The following GCNT2 variants were observed in gnomAD, a reference collection of about 807,000 sequenced individuals.
The protein encoded by GCNT2 is glucosaminyl (N-acetyl) transferase 2 (I blood group), also known as N-acetyllactosaminide beta-1,6-N-acetylglucosaminyl-transferase.
In GCNT2, 34 loss-of-function variants were observed where a neutral mutation model predicts 34.2. The observed-to-expected ratio is 1.00, with a 90% CI of 0.76 to 1.32. GCNT2 has a LOEUF of 1.32. Ranked by LOEUF, GCNT2 falls within the 40% of genes most tolerant of loss-of-function variation. The probability of loss-of-function intolerance (pLI) is 0.00; values close to 1 mark genes in which losing one functional copy is unlikely to be tolerated. For missense variants in GCNT2, 584 were observed against 489.4 expected (o/e 1.19, Z -1.82); for synonymous variants, 212 against 188.0 (o/e 1.13, Z -1.04).
chr6:10,523,905 G>A (rs1338590511), intron 1 of GCNT2, among the ~76,000 whole-genome samples: 10 of 150,516 alleles, frequency 6.6e-5, no homozygotes, highest in African/African-American at 9.8e-5. Context: ...CCCGGGAGGC[G>A]GAGCTTGCAG....
intron 3 of GCNT2, among the ~76,000 whole-genome samples, chr6:10,570,135 A>C (rs527293329): frequency 6.6e-6 from 1 of 152,210 alleles, no homozygotes; most frequent in African/African-American, 2.4e-5. Flanking sequence ...GGGTTTTGCC[A>C]TGTTACTCAG....
chr6:10,524,962 A>G (rs1761117211), intron 1 of GCNT2, among the ~76,000 whole-genome samples: 1 of 152,104 alleles, frequency 6.6e-6, no homozygotes, highest in African/African-American at 2.4e-5. Context: ...AGACACTGAG[A>G]AAGTTTCCAT....
At chr6:10,611,992 T>G (rs1185447878) in intron 3 of GCNT2, among the ~76,000 whole-genome samples, 1 of 152,006 alleles carries the variant, frequency 6.6e-6, no homozygotes, top group East Asian at 1.9e-4. Flanking sequence ...TTTTTTTGTT[T>G]GCTTGTTTTT....
In GCNT2 at chr6:10,593,902, G is replaced by A. The variant is rs116780155; in HGVS notation, c.926-27449G>A. Among the ~76,000 whole-genome samples, 1,232 of 152,290 alleles carry A rather than the reference G, an allele frequency of 8.1e-3. 22 individuals carry two copies. Among genetic ancestry groups the A allele is most frequent in the African/African-American group, 0.027 (1,122 of 41,554 alleles). On this transcript the variant is annotated intron_variant, in intron 3 of 4. Transcript: ENST00000495262. ...CAGGTAAACGACTTTGGAGACAGAC[G>A]TAGTGTAAGTCTGTCCTCCCAATAC...
chr6:10,602,877 C>G (rs1276616521), intron 3 of GCNT2, among the ~76,000 whole-genome samples: 2 of 152,160 alleles, frequency 1.3e-5, no homozygotes, highest in East Asian at 3.8e-4. Flanking sequence ...CAAAACAGTT[C>G]AGGGCAAACT....
intron 3 of GCNT2, chr6:10,573,117 A>G: frequency 5.5e-6 from 5 of 902,166 alleles, no homozygotes; most frequent in Non-Finnish European, 6.6e-6. Context: ...TTTTGTTTCC[A>G]TTTATTTGAA....
rs1190508934 is a variant in GCNT2, at chr6:10,563,764, AAAAAAAAAAAAAAATATATAT to A, written c.925+33930_925+33950del. 1.1e-3 allele frequency among the ~76,000 whole-genome samples: 62 copies of A among 55,390 alleles called. 3 individuals carry two copies. The South Asian group carries it at 0.034, about 31-fold the overall frequency. 36.3% of individuals were successfully genotyped at this position (55,390 alleles called of 152,430 possible). Reference sequence around the variant, plus strand: ...CTCAAAAAAAGAAAAAAGAAAAAAAAAAAAAAAAAAAAAATATATATATATATATATATATATATATATATG... The same window carrying A: ...CTCAAAAAAAGAAAAAAGAAAAAAAAATATATATATATATATATATATATG... On this transcript the variant is annotated intron_variant, in intron 3 of 4. Transcript: ENST00000495262.
intron 3 of GCNT2, among the ~76,000 whole-genome samples, chr6:10,583,312 G>A (rs1413317564): frequency 6.6e-6 from 1 of 152,144 alleles, no homozygotes; most frequent in Non-Finnish European, 1.5e-5. Flanking sequence ...GGAAATGGCT[G>A]CATTGTGAAT....
chr6:10,538,222 A>G (rs779028791), intron 3 of GCNT2, among the ~76,000 whole-genome samples: 1 of 151,484 alleles, frequency 6.6e-6, no homozygotes, highest in African/African-American at 2.4e-5. Context: ...AGCCTGGCCA[A>G]CGTGATGAAA....
At chr6:10,566,259 G>A (rs542877458) in intron 3 of GCNT2, among the ~76,000 whole-genome samples, 7 of 150,882 alleles carry the variant, frequency 4.6e-5, no homozygotes, top group South Asian at 4.2e-4. Context: ...CTGGACTCCC[G>A]TACAACGTTG....
intron 3 of GCNT2, among the ~76,000 whole-genome samples, chr6:10,551,279 T>C (rs749591899): frequency 1.3e-5 from 2 of 152,114 alleles, no homozygotes; most frequent in Non-Finnish European, 2.9e-5. Flanking sequence ...ATCATAACTT[T>C]GCTGCATCAA....
At chr6:10,577,919 G>A (rs1048616342) in intron 3 of GCNT2, among the ~76,000 whole-genome samples, 2 of 152,108 alleles carry the variant, frequency 1.3e-5, no homozygotes, top group Admixed American at 6.6e-5. Flanking sequence ...TAAAATCAGC[G>A]CTTTGCATAA....
chr6:10,576,636 C>G (rs1763826490), intron 3 of GCNT2, among the ~76,000 whole-genome samples: 1 of 151,756 alleles, frequency 6.6e-6, no homozygotes, highest in Admixed American at 6.6e-5. Flanking sequence ...TTGGGGAGTT[C>G]CAGGATGAAA....
intron 3 of GCNT2, among the ~76,000 whole-genome samples, chr6:10,535,941 T>G (rs562041025): frequency 1.3e-5 from 2 of 152,334 alleles, no homozygotes; most frequent in East Asian, 3.9e-4. Context: ...CATCTTCCCC[T>G]GAACCCTAAA....
intron 3 of GCNT2, among the ~76,000 whole-genome samples, chr6:10,543,010 C>T (rs1005973255): frequency 2.0e-5 from 3 of 149,760 alleles, no homozygotes; most frequent in Non-Finnish European, 3.0e-5. Context: ...CGGGTTCAAG[C>T]GATTCTCCTA....
intron 1 of GCNT2, among the ~76,000 whole-genome samples, chr6:10,525,283 A>G (rs573841682): frequency 5.3e-5 from 8 of 152,328 alleles, no homozygotes; most frequent in African/African-American, 1.7e-4. Context: ...CCTGCCAGTT[A>G]TTGAGCAACC....
chr6:10,556,840 G>A, intron 3 of GCNT2: 1 of 1,614,226 alleles, frequency 6.2e-7, no homozygotes, highest in Non-Finnish European at 8.5e-7. Flanking sequence ...ATGCGGTAGA[G>A]CAACTATTAA....
At chr6:10,617,554 G>A (rs1412425405) in intron 3 of GCNT2, among the ~76,000 whole-genome samples, 4 of 152,302 alleles carry the variant, frequency 2.6e-5, no homozygotes, top group African/African-American at 9.6e-5. Context: ...AGGGCTGCTA[G>A]CATGCTGTCA....
intron 3 of GCNT2, among the ~76,000 whole-genome samples, chr6:10,609,535 G>A (rs1000285372): frequency 2.0e-5 from 3 of 152,136 alleles, no homozygotes; most frequent in African/African-American, 7.2e-5. Flanking sequence ...TGAATTTTGG[G>A]GGACACATTC....
Sources: gnomAD v4.1 joint callset for allele counts (sites outside exome capture counted in the v4.1 genomes callset) on GRCh38, gnomAD v4.1.1 for gene constraint, MANE v1.5 for transcripts, NCBI Gene and HGNC (gene_info 2026-07-23, HGNC 2026-07-21) for gene names.